The following MYBPC1 variants were observed in gnomAD, a reference collection of about 807,000 sequenced individuals.
MYBPC1 encodes the protein myosin binding protein C1.
Under a neutral mutation model 147.1 loss-of-function variants are expected in MYBPC1, and 52 were observed. That is an observed-to-expected ratio of 0.35 (90% CI 0.28 to 0.45). MYBPC1 has a LOEUF of 0.45. Among genes scored for constraint, MYBPC1 ranks in the 20% least tolerant of loss-of-function variants. The probability of loss-of-function intolerance (pLI) is 1.00; values close to 1 mark genes in which losing one functional copy is unlikely to be tolerated. For synonymous variants in MYBPC1, 477 were observed against 475.9 expected, an observed-to-expected ratio of 1.00 and a Z score of -0.03; for missense variants, 1,228 against 1,440.3, an observed-to-expected ratio of 0.85 and a Z score of 2.39.
intron 11 of MYBPC1, among the ~76,000 whole-genome samples, chr12:101,643,896 G>T (rs1225582636): frequency 6.6e-6 from 1 of 152,008 alleles, no homozygotes; most frequent in East Asian, 1.9e-4. Context: ...TTAGTCAAAG[G>T]CATTCGATTT....
chr12:101,690,049 C>T (rs1055517185), downstream of MYBPC1, among the ~76,000 whole-genome samples: 2 of 152,180 alleles, frequency 1.3e-5, no homozygotes, highest in African/African-American at 2.4e-5. Context: ...GTGGCGCGTG[C>T]CTGTAATCCC....
At chr12:101,616,325 G>T (rs1052014821) in intron 2 of MYBPC1, among the ~76,000 whole-genome samples, 2 of 152,088 alleles carry the variant, frequency 1.3e-5, no homozygotes, top group Non-Finnish European at 2.9e-5. Flanking sequence ...GAACCTACTG[G>T]CCATTATAAA....
At chr12:101,599,561 AG>A (rs1878959957) in intron 1 of MYBPC1, among the ~76,000 whole-genome samples, 1 of 152,214 alleles carries the variant, frequency 6.6e-6, no homozygotes, top group East Asian at 1.9e-4. Context: ...TCTACCTGCA[AG>A]AGAGTGAATG....
intron 1 of MYBPC1, among the ~76,000 whole-genome samples, chr12:101,595,523 G>C (rs562445742): frequency 1.3e-5 from 2 of 152,098 alleles, no homozygotes; most frequent in East Asian, 3.9e-4. Context: ...ATTGGATCAA[G>C]ATTTCAAAAA....
chr12:101,673,283 G>A (rs897001666), intron 24 of MYBPC1, 144 bp from the exon 25 acceptor site: 1 of 767,878 alleles, frequency 1.3e-6, no homozygotes, highest in Non-Finnish European at 2.2e-6. Context: ...CTTTGCTGCT[G>A]TAATTGCTCA....
At chr12:101,670,101 T>A in intron 23 of MYBPC1, 2 of 604,864 alleles carry the variant, frequency 3.3e-6, no homozygotes, top group Non-Finnish European at 3.0e-6. Context: ...AGTCAAACTG[T>A]TAAAACATCT....
At chr12:101,617,005 C>A (rs982408600) in intron 2 of MYBPC1, among the ~76,000 whole-genome samples, 197 bp from the exon 3 acceptor site, 2 of 152,126 alleles carry the variant, frequency 1.3e-5, no homozygotes, top group Non-Finnish European at 2.9e-5. Flanking sequence ...AGATTAATTG[C>A]TTTTCACTAA....
At chr12:101,600,039 A>T (rs1435426705) in intron 1 of MYBPC1, among the ~76,000 whole-genome samples, 1 of 151,944 alleles carries the variant, frequency 6.6e-6, no homozygotes, top group East Asian at 2.0e-4. Flanking sequence ...AAGCGCCCTA[A>T]ATATATCACT....
intron 10 of MYBPC1, among the ~76,000 whole-genome samples, chr12:101,640,342 T>A (rs10507134): frequency 1.3e-5 from 2 of 152,158 alleles, no homozygotes; most frequent in East Asian, 1.9e-4. Context: ...GTGACTCTCC[T>A]AGACTTCCTA....
chr12:101,629,078 G>C (rs965146931), intron 5 of MYBPC1: 36 of 347,680 alleles, frequency 1.0e-4, no homozygotes, highest in South Asian at 1.7e-4. Context: ...AAAACACCAA[G>C]AGTACTGCTT....
At position 101,628,632 on chromosome 12, in the gene MYBPC1, G is replaced by A. The variant is rs76072004; in HGVS notation, c.179-802G>A. 5.6e-4 allele frequency among the ~76,000 whole-genome samples: 85 copies of A among 152,158 alleles called. 1 individual carries two copies. The highest frequency in any genetic ancestry group is 9.3e-4 in the Non-Finnish European group (63 of 68,014). ...ATGGCTGAACCTGAACTCTGCATTC[G>A]GCTCAGAGACAGGGGAAATATCTAC... On this transcript the variant is annotated intron_variant, in intron 5 of 31. Coordinates refer to ENST00000361466, the MANE Select transcript of MYBPC1 (RefSeq NM_002465.4).
Position 101,684,363 on chromosome 12 carries a change from C to G in MYBPC1, c.3493-19C>G. 1 of 1,562,964 alleles carries G rather than the reference C, an allele frequency of 6.4e-7. No homozygotes were observed. The highest frequency in any genetic ancestry group is 1.4e-5 in the African/African-American group (1 of 74,030). On this transcript the variant is annotated intron_variant, in intron 30 of 31. Coordinates refer to ENST00000361466, the MANE Select transcript of MYBPC1 (RefSeq NM_002465.4). Reference sequence around the variant, plus strand: ...ATGCTTACGACTTCTCTCTCTCTCCCTCTTTCTCTTTTCCTTAGTCATTGC... The same window carrying G: ...ATGCTTACGACTTCTCTCTCTCTCCGTCTTTCTCTTTTCCTTAGTCATTGC...
downstream of MYBPC1, chr12:101,686,084 C>T (rs1951338542): frequency 6.5e-6 from 1 of 154,924 alleles, no homozygotes; most frequent in Admixed American, 6.5e-5. Context: ...TTTTTCTAAC[C>T]AAAGCGGAGT....
In MYBPC1 at chr12:101,631,878, G is replaced by T. The variant is rs112364243; in HGVS notation, c.439-143G>T. 1,365 of 1,325,258 alleles carry T rather than the reference G, an allele frequency of 1.0e-3. 9 individuals are homozygous for T. The African/African-American group carries it at 0.018, about 17-fold the overall frequency. The allele number at this position is 1,325,258 out of a possible 1,614,324, so 82.1% of individuals were successfully genotyped here. A position where few individuals can be genotyped will look rare whatever the true frequency, so the allele number is the denominator to read the frequency against. ...CACTCTATTGCGATTGCCCGGCTGTGTCCGGGGGCTACAGGACACATTTGC... is the reference window on the plus strand; with the variant it reads ...CACTCTATTGCGATTGCCCGGCTGTTTCCGGGGGCTACAGGACACATTTGC... On this transcript the variant is annotated intron_variant, in intron 7 of 31. Transcript: ENST00000361466.
chr12:101,630,825 A>T (rs997138116), intron 6 of MYBPC1, among the ~76,000 whole-genome samples: 4 of 152,234 alleles, frequency 2.6e-5, no homozygotes, highest in Non-Finnish European at 5.9e-5. Context: ...TTTTAACCAA[A>T]TAAATCTTTA....
At position 101,627,798 on chromosome 12, in the gene MYBPC1, G is replaced by T. The variant is rs1593761051; in HGVS notation, c.172G>T (p.Asp58Tyr). 6.2e-7 allele frequency: 1 copy of T among 1,613,840 alleles called. No homozygotes were observed. Among genetic ancestry groups the T allele is most frequent in the Non-Finnish European group, 8.5e-7 (1 of 1,179,818 alleles). ...GGGTAGTCGGGCCCTGGAGAGAAAA[G>T]ATTCAGGTGAGCGCAAGCCCAGAGA... ...GLGSRALERK[D>Y]SDWTLVETPP... is the part of the protein sequence containing the mutation. Residue 58 changes from aspartate (D) to tyrosine (Y), a missense_variant, in exon 5 of 32, where the codon GAT becomes TAT. Asp to Tyr is a radical substitution (Grantham distance 160). Around this residue, in one of 2 missense-constraint regions of MYBPC1, gnomAD observed 151 missense variants for 126.1 expected, o/e 1.20. Coordinates refer to ENST00000361466, the MANE Select transcript of MYBPC1 (RefSeq NM_002465.4).
Position 101,624,683 on chromosome 12 carries a change from A to ATTTTTTTT in MYBPC1, c.104-2170_104-2163dup, listed in dbSNP as rs57175970. Among the ~76,000 whole-genome samples, 583 of 99,020 alleles carry ATTTTTTTT rather than the reference A, an allele frequency of 5.9e-3. 43 individuals carry two copies. In the East Asian group the frequency reaches 0.12, roughly 21 times the overall value. 65.0% of individuals were successfully genotyped at this position (99,020 alleles called of 152,430 possible). A position where few individuals can be genotyped will look rare whatever the true frequency, so the allele number is the denominator to read the frequency against. On this transcript the variant is annotated intron_variant, in intron 3 of 31. Transcript: ENST00000361466. ...AATAATATACAAGCCCGGCTAATTAATTTTTTTTTTTTTTTTTTTTTTTTT... is the reference window on the plus strand; with the variant it reads ...AATAATATACAAGCCCGGCTAATTAATTTTTTTTTTTTTTTTTTTTTTTTTTTTTTTTT...
rs745390104 is a variant in MYBPC1, at chr12:101,631,723, A to G, written c.438+4A>G. 6.2e-7 allele frequency: 1 copy of G among 1,614,082 alleles called. No homozygotes were observed. The highest frequency in any genetic ancestry group is 8.5e-7 in the Non-Finnish European group (1 of 1,180,034). On this transcript the variant is annotated splice_donor_region_variant and intron_variant, in intron 7 of 31. Coordinates refer to ENST00000361466, the MANE Select transcript of MYBPC1 (RefSeq NM_002465.4). The stretch of plus-strand genomic sequence containing the variant: ...AACCTTTGAGAGGCACAGTCGGGTA[A>G]GGCCCTGAACTCCCAGGACAGGCGC...
chr12:101,665,003 AC>A (rs770117324), intron 22 of MYBPC1, among the ~76,000 whole-genome samples: 30 of 152,182 alleles, frequency 2.0e-4, no homozygotes, highest in Admixed American at 5.9e-4. Context: ...TTGAGCATAA[AC>A]CTTTTGTGTA....
Sources: allele counts gnomAD v4.1 joint callset (sites outside exome capture counted in the v4.1 genomes callset), GRCh38; gene constraint gnomAD v4.1.1; regional missense constraint gnomAD v4.1.1; transcripts MANE v1.5; gene names NCBI Gene and HGNC (gene_info 2026-07-23, HGNC 2026-07-21).